The following QRICH1 variants were observed in gnomAD, a reference collection of about 807,000 sequenced individuals.
QRICH1 encodes transcriptional regulator QRICH1.
A neutral mutation model predicts 87.1 loss-of-function variants in QRICH1; 16 were observed. The observed-to-expected ratio is 0.18, with a 90% confidence interval of 0.12 to 0.28. QRICH1 has a LOEUF of 0.28. QRICH1 is among the 10% of genes least tolerant of loss of function. QRICH1 has a pLI of 1.00. For synonymous variants in QRICH1, 367 were observed against 368.4 expected (o/e 1.00, Z 0.05); for missense variants, 647 against 951.7 (o/e 0.68, Z 4.21).
intron 9 of QRICH1, 80 bp from the exon 10 acceptor site, chr3:49,030,724 G>A: frequency 2.4e-6 from 3 of 1,269,350 alleles, no homozygotes; most frequent in Non-Finnish European, 2.1e-6. Context: ...GACAGATGCT[G>A]TCTGCAAACA....
At chr3:49,079,526 T>G (rs901626424) in intron 1 of QRICH1, among the ~76,000 whole-genome samples, 21 of 148,452 alleles carry the variant, frequency 1.4e-4, no homozygotes, top group Admixed American at 1.1e-3. Flanking sequence ...ACAATTATAA[T>G]AAAATACTAT....
At chr3:49,035,706 C>G (rs1198839586) in intron 6 of QRICH1, among the ~76,000 whole-genome samples, 2 of 151,852 alleles carry the variant, frequency 1.3e-5, no homozygotes. Context: ...GGTCCCAGCC[C>G]GAGCCCAACA....
At chr3:49,048,782 T>TC (rs199721714) in intron 3 of QRICH1, among the ~76,000 whole-genome samples, 2 of 132,798 alleles carry the variant, frequency 1.5e-5, no homozygotes, top group Non-Finnish European at 3.1e-5. Flanking sequence ...AGTGAGACTC[T>TC]GTTCACAAAA....
intron 2 of QRICH1, among the ~76,000 whole-genome samples, chr3:49,062,031 G>C (rs1183327503): frequency 6.6e-6 from 1 of 151,956 alleles, no homozygotes; most frequent in African/African-American, 2.4e-5. Flanking sequence ...GAAACTGCTG[G>C]TGGGCATGTT....
intron 6 of QRICH1, chr3:49,033,677 T>A (rs1267287343): frequency 6.6e-6 from 1 of 152,358 alleles, no homozygotes; most frequent in Non-Finnish European, 1.5e-5. Context: ...AAGTCTTCTC[T>A]CATCTCAACT....
rs773637511 is a variant in QRICH1 at position 49,056,847 on chromosome 3, T to G, written c.1338+15A>C. On this transcript the variant is annotated intron_variant, in intron 3 of 9. Transcript: ENST00000395443. ...GGGACCAGGCTGCCTGCCCTACTGA[T>G]AAGTCTTCACTTACTGAACAAGTAA... 6.2e-7 allele frequency: 1 copy of G among 1,614,190 alleles called. No individual in the cohort carries two copies. Among genetic ancestry groups the G allele is most frequent in the Non-Finnish European group, 8.5e-7 (1 of 1,180,030 alleles).
At chr3:49,067,579 C>A (rs1559944839) in intron 2 of QRICH1, among the ~76,000 whole-genome samples, 1 of 149,708 alleles carries the variant, frequency 6.7e-6, no homozygotes, top group African/African-American at 2.5e-5. Flanking sequence ...AAAAAAAAAA[C>A]AAAAAAGAAA....
intron 3 of QRICH1, among the ~76,000 whole-genome samples, chr3:49,050,088 G>A (rs2093361341): frequency 1.3e-5 from 2 of 151,200 alleles, no homozygotes; most frequent in South Asian, 2.1e-4. Flanking sequence ...TGTAATCCCA[G>A]CACTTTGGGA....
chr3:49,032,612 CT>C lies in QRICH1; in HGVS notation c.2047+9del. 1 of 1,559,670 alleles carries C rather than the reference CT, an allele frequency of 6.4e-7. No individual in the cohort carries two copies. Among genetic ancestry groups the C allele is most frequent in the Non-Finnish European group, 8.7e-7 (1 of 1,152,498 alleles). On this transcript the variant is annotated intron_variant, in intron 8 of 9. Transcript: ENST00000395443. Reference sequence around the variant, plus strand: ...CACCTGTTTTTGCCATCCCTGCCTCCTTTCCCTACCTTTCTGGCCAGTCTGG... The same window carrying C: ...CACCTGTTTTTGCCATCCCTGCCTCCTTCCCTACCTTTCTGGCCAGTCTGG...
chr3:49,049,381 G>A (rs1301487209), intron 3 of QRICH1, among the ~76,000 whole-genome samples: 1 of 151,784 alleles, frequency 6.6e-6, no homozygotes, highest in African/African-American at 2.4e-5. Flanking sequence ...GGAGACGGAG[G>A]TTACAGTGAG....
chr3:49,061,805 T>C (rs565664571), intron 2 of QRICH1, among the ~76,000 whole-genome samples: 2 of 151,866 alleles, frequency 1.3e-5, no homozygotes, highest in South Asian at 4.2e-4. Context: ...GAGCCGAGAT[T>C]GCACCACTGC....
intron 1 of QRICH1, among the ~76,000 whole-genome samples, chr3:49,082,165 C>T (rs1011765672): frequency 6.6e-6 from 1 of 152,066 alleles, no homozygotes; most frequent in South Asian, 2.1e-4. Flanking sequence ...TGGTCTCAAA[C>T]TCCTCACCTC....
intron 6 of QRICH1, among the ~76,000 whole-genome samples, chr3:49,042,245 C>T (rs1358109195): frequency 6.6e-6 from 1 of 151,548 alleles, no homozygotes; most frequent in Non-Finnish European, 1.5e-5. Context: ...CTGCAGGCAC[C>T]CACCACCACA....
At chr3:49,054,874 T>C (rs1021367845) in intron 3 of QRICH1, among the ~76,000 whole-genome samples, 2 of 152,270 alleles carry the variant, frequency 1.3e-5, no homozygotes, top group South Asian at 4.1e-4. Flanking sequence ...TACTCCTACC[T>C]GGGAAACAAA....
rs1198002185 is a variant in QRICH1 at position 49,046,658 on chromosome 3, G to A, written c.1517-79C>T. On this transcript the variant is annotated intron_variant, in intron 4 of 9. Coordinates refer to ENST00000395443, the MANE Select transcript of QRICH1 (RefSeq NM_198880.3). ...GGCTCAGAACAGATACTGCCCATCA[G>A]GGTGCTGGGATAGAAATGCTCACTT... 1.6e-5 allele frequency: 23 copies of A among 1,478,868 alleles called. No homozygotes were observed. The East Asian group carries it at 4.8e-4, about 31-fold the overall frequency. 91.6% of individuals were successfully genotyped at this position (1,478,868 alleles called of 1,614,324 possible). A position where few individuals can be genotyped will look rare whatever the true frequency, so the allele number is the denominator to read the frequency against.
chr3:49,068,492 C>T (rs1032726037), intron 2 of QRICH1, among the ~76,000 whole-genome samples: 12 of 147,834 alleles, frequency 8.1e-5, no homozygotes, highest in Non-Finnish European at 1.6e-4. Flanking sequence ...ATTAGTTGGG[C>T]GTAGTAGCTG....
intron 2 of QRICH1, among the ~76,000 whole-genome samples, chr3:49,062,960 A>G (rs1295942893): frequency 2.0e-5 from 3 of 151,866 alleles, no homozygotes; most frequent in Non-Finnish European, 4.4e-5. Flanking sequence ...AGATCGCGCC[A>G]CTGCACTCCA....
At chr3:49,079,237 AAAACAAAC>A (rs951961856) in intron 1 of QRICH1, among the ~76,000 whole-genome samples, 11 of 151,954 alleles carry the variant, frequency 7.2e-5, no homozygotes, top group East Asian at 3.9e-4. Flanking sequence ...CTGTCTAAAA[AAAACAAAC>A]AAACAAACAA....
chr3:49,093,794 G>T, intron 1 of QRICH1, 118 bp downstream of exon 1: 1 of 353,918 alleles, frequency 2.8e-6, no homozygotes, highest in South Asian at 1.4e-4. Context: ...GAGCCGCCCC[G>T]AACTCTCCAG....
Sources: gnomAD v4.1 joint callset for allele counts (sites outside exome capture counted in the v4.1 genomes callset) on GRCh38, gnomAD v4.1.1 for gene constraint, MANE v1.5 for transcripts, NCBI Gene and HGNC (gene_info 2026-07-23, HGNC 2026-07-21) for gene names.